The following PRKCQ variants were observed in gnomAD, a reference collection of about 807,000 sequenced individuals.
PRKCQ encodes protein kinase C theta type.
Under a neutral mutation model 91.2 loss-of-function variants are expected in PRKCQ, and 41 were observed. The observed-to-expected ratio is 0.45, with a 90% CI of 0.35 to 0.58. The LOEUF (loss-of-function observed/expected upper bound fraction) is 0.58, where lower values mean the gene tolerates loss of function less well. PRKCQ is among the 20% of genes least tolerant of loss of function. The pLI is 0.00. For missense variants in PRKCQ, 673 were observed against 896.5 expected, an observed-to-expected ratio of 0.75 and a Z score of 3.18; for synonymous variants, 307 against 316.9, an observed-to-expected ratio of 0.97 and a Z score of 0.33.
rs543370303 is a variant in PRKCQ at position 6,567,893 on chromosome 10, A to G, written c.-10+12318T>C. On this transcript the variant is annotated intron_variant, in intron 1 of 17. Coordinates refer to ENST00000263125, the MANE Select transcript of PRKCQ (RefSeq NM_006257.5). ...ATACCTCTATCATCCTAATTCTTGA[A>G]TTTAGTCTTTTACCTTTCTTACTCG... is the stretch of plus-strand genomic sequence containing the variant. 1.1e-4 allele frequency among the ~76,000 whole-genome samples: 17 copies of G among 152,062 alleles called. No homozygotes were observed. The South Asian group carries it at 3.5e-3, about 32-fold the overall frequency.
At chr10:6,415,849 G>GAGTCTCCTGCCTC in the PRKCQ span, among the ~76,000 whole-genome samples, 3 of 151,552 alleles carry the variant, frequency 2.0e-5, no homozygotes, top group Non-Finnish European at 4.4e-5. Context: ...GGGTTCAAGA[G>GAGTCTCCTGCCTC]AGTCTCCTGC....
chr10:6,466,692 A>G (rs571958328), intron 12 of PRKCQ, among the ~76,000 whole-genome samples: 1 of 152,370 alleles, frequency 6.6e-6, no homozygotes, highest in African/African-American at 2.4e-5. Flanking sequence ...AAAGGTAAAT[A>G]CAAATATAAT....
At chr10:6,435,355 A>G (rs1465719472) in intron 16 of PRKCQ, among the ~76,000 whole-genome samples, 1 of 152,244 alleles carries the variant, frequency 6.6e-6, no homozygotes, top group Non-Finnish European at 1.5e-5. Context: ...ATTCCCTAGA[A>G]GACGTTTCTG....
intron 11 of PRKCQ, among the ~76,000 whole-genome samples, chr10:6,479,766 C>CT (rs1554769855): frequency 3.1e-5 from 1 of 32,078 alleles, no homozygotes; most frequent in Middle Eastern, 0.028. Flanking sequence ...CCCGTCTCGA[C>CT]TAAAAAAAAA....
the PRKCQ span, among the ~76,000 whole-genome samples, chr10:6,408,730 T>A: frequency 1.3e-5 from 2 of 152,366 alleles, no homozygotes; most frequent in African/African-American, 4.8e-5. Flanking sequence ...TGTCTTTCTT[T>A]TGGAGATGTT....
At position 6,498,508 on chromosome 10, in the gene PRKCQ, G is replaced by C; in HGVS notation, c.430C>G (p.Gln144Glu). The C allele has an allele frequency of 6.2e-7, 1 of 1,614,180 alleles. No homozygotes were observed. The highest frequency in any genetic ancestry group is 8.5e-7 in the Non-Finnish European group (1 of 1,180,032). The change falls in exon 5 of 18, where the codon CAG (glutamine) becomes GAG (glutamate). Residue 144 changes from glutamine to glutamate, a missense_variant. By Grantham distance (29) the Gln-to-Glu change is conservative. Coordinates refer to ENST00000263125, the MANE Select transcript of PRKCQ (RefSeq NM_006257.5). Reference protein sequence around the residue: ...FETEGFFALHQRRGAIKQAKV... With the variant: ...FETEGFFALHERRGAIKQAKV... The stretch of plus-strand genomic sequence containing the variant: ...GCCTGCTTGATGGCACCCCGGCGCT[G>C]ATGCAAAGCAAAGAAGCCTTCCGTC...
intron 1 of PRKCQ, among the ~76,000 whole-genome samples, chr10:6,537,748 C>T (rs1839636236): frequency 6.6e-6 from 1 of 152,170 alleles, no homozygotes; most frequent in African/African-American, 2.4e-5. Flanking sequence ...TCTGACACTT[C>T]TCTGGGGCTC....
At chr10:6,460,481 T>C (rs633097) in intron 14 of PRKCQ, among the ~76,000 whole-genome samples, 30,243 of 116,588 alleles carry the variant, frequency 0.26, 3,286 homozygotes, top group East Asian at 0.43. Context: ...CTACTTCCCC[T>C]TTTTTTTTTT....
chr10:6,455,339 G>C (rs1367048646), intron 15 of PRKCQ, among the ~76,000 whole-genome samples: 1 of 152,200 alleles, frequency 6.6e-6, no homozygotes, highest in Non-Finnish European at 1.5e-5. Context: ...TAATCAATAA[G>C]CCTCGCTCTG....
chr10:6,436,080 C>T (rs1345930228), intron 16 of PRKCQ, among the ~76,000 whole-genome samples: 1 of 152,176 alleles, frequency 6.6e-6, no homozygotes, highest in Admixed American at 6.5e-5. Flanking sequence ...CACCACTGCA[C>T]TCCAGCCTGG....
At chr10:6,549,145 T>C (rs1490700562) in intron 1 of PRKCQ, among the ~76,000 whole-genome samples, 5 of 152,282 alleles carry the variant, frequency 3.3e-5, no homozygotes, top group East Asian at 1.9e-4. Flanking sequence ...CATGGGGCCA[T>C]ATAAGTAATG....
At chr10:6,552,938 GAA>G in intron 1 of PRKCQ, among the ~76,000 whole-genome samples, 1 of 151,998 alleles carries the variant, frequency 6.6e-6, no homozygotes, top group Non-Finnish European at 1.5e-5. Context: ...TGTAATACGT[GAA>G]GACAACATAT....
chr10:6,408,390 T>A, the PRKCQ span, among the ~76,000 whole-genome samples: 1 of 152,336 alleles, frequency 6.6e-6, no homozygotes, highest in Middle Eastern at 3.4e-3. Context: ...GGAGTCTCAC[T>A]CTTGTCGCCC....
At chr10:6,460,384 G>A (rs1232351504) in intron 14 of PRKCQ, among the ~76,000 whole-genome samples, 1 of 151,840 alleles carries the variant, frequency 6.6e-6, no homozygotes, top group African/African-American at 2.4e-5. Flanking sequence ...AAAATGCCCC[G>A]AGGCATGTGG....
intron 15 of PRKCQ, among the ~76,000 whole-genome samples, chr10:6,444,903 C>T (rs971984985): frequency 1.3e-5 from 2 of 152,038 alleles, no homozygotes; most frequent in African/African-American, 2.4e-5. Flanking sequence ...GCGGGTGGAT[C>T]ACCCGAGGTC....
At chr10:6,561,869 AAC>A (rs1286093901) in intron 1 of PRKCQ, among the ~76,000 whole-genome samples, 2 of 152,234 alleles carry the variant, frequency 1.3e-5, no homozygotes, top group East Asian at 1.9e-4. Flanking sequence ...CATGTTATTA[AAC>A]ACAGCATGAA....
Position 6,544,486 on chromosome 10 carries a change from A to G in PRKCQ, c.-9-29342T>C, listed in dbSNP as rs141819495. ...TAACTCTAATTGACTTAGGCCAAGG[A>G]CATTGATAAATGGAGATAACTGGAA... is the stretch of plus-strand genomic sequence containing the variant. On this transcript the variant is annotated intron_variant, in intron 1 of 17. Coordinates refer to ENST00000263125, the MANE Select transcript of PRKCQ (RefSeq NM_006257.5). 2.8e-3 allele frequency among the ~76,000 whole-genome samples: 425 copies of G among 152,306 alleles called. 2 individuals carry two copies. The highest frequency in any genetic ancestry group is 4.4e-3 in the Non-Finnish European group (300 of 68,022).
rs1554782549 is a variant in PRKCQ, at chr10:6,553,512, A to AAT, written c.-10+26698_-10+26699insAT. 4.6e-3 allele frequency among the ~76,000 whole-genome samples: 644 copies of AAT among 140,846 alleles called. 17 individuals carry two copies. The highest frequency in any genetic ancestry group is 8.1e-3 in the African/African-American group (296 of 36,710). 92.4% of individuals were successfully genotyped at this position (140,846 alleles called of 152,430 possible). A position where few individuals can be genotyped will look rare whatever the true frequency, so the allele number is the denominator to read the frequency against. The stretch of plus-strand genomic sequence containing the variant: ...CTCAAAAAAAAAAAAAAAAAAAAAA[A>AAT]AAAAACAAACAAACAAAAGAAGAAG... On this transcript the variant is annotated intron_variant, in intron 1 of 17. Coordinates refer to ENST00000263125, the MANE Select transcript of PRKCQ (RefSeq NM_006257.5).
chr10:6,579,595 C>G (rs553748606), intron 1 of PRKCQ, among the ~76,000 whole-genome samples: 4 of 151,972 alleles, frequency 2.6e-5, no homozygotes, highest in African/African-American at 9.7e-5. Flanking sequence ...ACCTGGCCCT[C>G]AAAGCTGGGG....
Sources: gnomAD v4.1 joint callset for allele counts (sites outside exome capture counted in the v4.1 genomes callset) on GRCh38, gnomAD v4.1.1 for gene constraint, MANE v1.5 for transcripts, NCBI Gene and HGNC (gene_info 2026-07-23, HGNC 2026-07-21) for gene names.